The following RALGAPA2 variants were observed in gnomAD, a reference collection of about 807,000 sequenced individuals.
The protein encoded by RALGAPA2 is Ral GTPase activating protein catalytic subunit alpha 2.
In RALGAPA2, 139 loss-of-function variants were observed where a neutral mutation model predicts 230.4. That is an observed-to-expected ratio of 0.60 (90% confidence interval 0.53 to 0.69). The LOEUF is 0.69. Ranked by LOEUF, RALGAPA2 falls within the 30% of genes least tolerant of loss-of-function variation. The pLI, the probability that RALGAPA2 is intolerant of heterozygous loss-of-function variation, is 0.00. For synonymous variants in RALGAPA2, 847 were observed against 837.8 expected, an observed-to-expected ratio of 1.01 and a Z score of -0.19; for missense variants, 2,163 against 2,276.0, an observed-to-expected ratio of 0.95 and a Z score of 1.01.
At chr20:20,651,909 T>A (rs1364650714) in intron 4 of RALGAPA2, among the ~76,000 whole-genome samples, 3 of 152,216 alleles carry the variant, frequency 2.0e-5, no homozygotes, top group African/African-American at 7.2e-5. Flanking sequence ...ATGATGTCTC[T>A]TTGGATTATA....
intron 38 of RALGAPA2, among the ~76,000 whole-genome samples, chr20:20,409,358 C>G (rs568923007): frequency 2.6e-4 from 39 of 152,318 alleles, no homozygotes; most frequent in African/African-American, 9.4e-4. Context: ...GTGATGCTCC[C>G]TCTTCATTAA....
intron 23 of RALGAPA2, among the ~76,000 whole-genome samples, chr20:20,549,057 T>A (rs1448975886): frequency 6.6e-6 from 1 of 152,188 alleles, no homozygotes; most frequent in Non-Finnish European, 1.5e-5. Context: ...TTGAAGCTTG[T>A]GGGCTTTAAA....
At chr20:20,512,269 A>AC (rs1569454681) in intron 32 of RALGAPA2, among the ~76,000 whole-genome samples, 21 of 151,802 alleles carry the variant, frequency 1.4e-4, no homozygotes, top group Admixed American at 7.9e-4. Flanking sequence ...ACACACACAC[A>AC]AATGTTTGAT....
chr20:20,666,039 A>T (rs1218997589), intron 3 of RALGAPA2, among the ~76,000 whole-genome samples: 1 of 152,250 alleles, frequency 6.6e-6, no homozygotes, highest in Non-Finnish European at 1.5e-5. Flanking sequence ...CAACATCAAT[A>T]AAAGCCACAA....
chr20:20,491,754 A>C (rs2062064623), intron 36 of RALGAPA2, among the ~76,000 whole-genome samples: 1 of 152,182 alleles, frequency 6.6e-6, no homozygotes, highest in Admixed American at 6.5e-5. Context: ...CCAAAGAATG[A>C]TTGTGTCAAT....
intron 37 of RALGAPA2, among the ~76,000 whole-genome samples, chr20:20,431,801 T>G (rs1175919527): frequency 6.6e-6 from 1 of 152,180 alleles, no homozygotes; most frequent in Non-Finnish European, 1.5e-5. Context: ...CTGTACCCCA[T>G]AAATATATGC....
chr20:20,646,570 T>G lies in RALGAPA2; in HGVS notation c.329-3021A>C, dbSNP rs911856150. On this transcript the variant is annotated intron_variant, in intron 4 of 39. Coordinates refer to ENST00000202677, the MANE Select transcript of RALGAPA2 (RefSeq NM_020343.4). Reference sequence around the variant, plus strand: ...TTGGGCTGATTCTATGAATTTCTAATTTCTATTGGCTAACTTTTACTACAT... The same window carrying G: ...TTGGGCTGATTCTATGAATTTCTAAGTTCTATTGGCTAACTTTTACTACAT... 2.0e-5 allele frequency among the ~76,000 whole-genome samples: 3 copies of G among 152,222 alleles called. No individual in the cohort carries two copies. The East Asian group carries it at 5.8e-4, about 29-fold the overall frequency.
chr20:20,530,278 C>T (rs2063332991), intron 27 of RALGAPA2, among the ~76,000 whole-genome samples: 1 of 152,202 alleles, frequency 6.6e-6, no homozygotes, highest in South Asian at 2.1e-4. Flanking sequence ...CTACAAAGGT[C>T]AGGGCTCAGC....
intron 35 of RALGAPA2, 82 bp downstream of exon 35, chr20:20,503,269 C>T (rs1476940800): frequency 8.0e-7 from 1 of 1,255,164 alleles, no homozygotes; most frequent in East Asian, 2.8e-5. Context: ...AGTGTGCGTT[C>T]TACCCTTGTA....
intron 37 of RALGAPA2, among the ~76,000 whole-genome samples, chr20:20,453,898 A>G (rs891719049): frequency 7.2e-5 from 11 of 152,216 alleles, no homozygotes; most frequent in Non-Finnish European, 1.3e-4. Flanking sequence ...TATGAATGAG[A>G]TTATCAGATT....
At chr20:20,430,270 C>A (rs951091745) in intron 37 of RALGAPA2, among the ~76,000 whole-genome samples, 2 of 152,248 alleles carry the variant, frequency 1.3e-5, no homozygotes, top group African/African-American at 4.8e-5. Flanking sequence ...AGAGCCCTGG[C>A]ATTCCAGAGT....
At chr20:20,504,587 G>A (rs1161260337) in intron 34 of RALGAPA2, among the ~76,000 whole-genome samples, 1 of 152,140 alleles carries the variant, frequency 6.6e-6, no homozygotes, top group African/African-American at 2.4e-5. Context: ...TCAGCTGGGT[G>A]TGGCGGCGCG....
chr20:20,708,898 C>G (rs2069721419), intron 1 of RALGAPA2, among the ~76,000 whole-genome samples: 1 of 152,150 alleles, frequency 6.6e-6, no homozygotes, highest in Admixed American at 6.5e-5. Flanking sequence ...TAATTAGAAT[C>G]TGGCCAGGCA....
intron 27 of RALGAPA2, among the ~76,000 whole-genome samples, chr20:20,531,138 C>T (rs2063356272): frequency 6.6e-6 from 1 of 152,210 alleles, no homozygotes; most frequent in Non-Finnish European, 1.5e-5. Flanking sequence ...TGGTATAAAA[C>T]AGAAATTGCA....
chr20:20,449,654 T>C (rs981045409), intron 37 of RALGAPA2, among the ~76,000 whole-genome samples: 8 of 152,344 alleles, frequency 5.3e-5, no homozygotes, highest in African/African-American at 1.7e-4. Flanking sequence ...ACTTTTTTTT[T>C]TCCCCCGGAC....
At position 20,712,239 on chromosome 20, in the gene RALGAPA2, A is replaced by C. The variant is rs1040990400; in HGVS notation, c.106+136T>G. 1.7e-4 allele frequency: 144 copies of C among 860,930 alleles called. No individual in the cohort carries two copies. The highest frequency in any genetic ancestry group is 2.2e-4 in the Non-Finnish European group (132 of 587,328). 53.3% of individuals were successfully genotyped at this position (860,930 alleles called of 1,614,324 possible). On this transcript the variant is annotated intron_variant, in intron 1 of 39. Coordinates refer to ENST00000202677, the MANE Select transcript of RALGAPA2 (RefSeq NM_020343.4). This position sits in a 1 kb window ranked among gnomAD's most constrained non-coding sequence, Gnocchi z 5.5. ...CAAAGCCCCGGGGGTCCAAGCCCAGATCCAGGGAAGGGGGTCGGACGCCCA... is the reference window on the plus strand; with the variant it reads ...CAAAGCCCCGGGGGTCCAAGCCCAGCTCCAGGGAAGGGGGTCGGACGCCCA...
chr20:20,478,985 T>C (rs1183466085), intron 36 of RALGAPA2, among the ~76,000 whole-genome samples: 1 of 152,012 alleles, frequency 6.6e-6, no homozygotes, highest in Non-Finnish European at 1.5e-5. Flanking sequence ...AATCCAACTA[T>C]AGATACTTAG....
intron 38 of RALGAPA2, among the ~76,000 whole-genome samples, chr20:20,405,996 A>C (rs1014853141): frequency 1.3e-5 from 2 of 152,124 alleles, no homozygotes; most frequent in Non-Finnish European, 2.9e-5. Flanking sequence ...TTTACAGTCC[A>C]TTATGGAGAG....
Position 20,620,553 on chromosome 20 carries a change from G to C in RALGAPA2, c.1311C>G (p.Asp437Glu). 1 of 1,613,808 alleles carries C rather than the reference G, an allele frequency of 6.2e-7. No individual in the cohort carries two copies. Among genetic ancestry groups the C allele is most frequent in the Non-Finnish European group, 8.5e-7 (1 of 1,179,778 alleles). ...VQVYRKWILQDKPVFMEEPDR... is the reference protein window; with the variant it reads ...VQVYRKWILQEKPVFMEEPDR... ...CTGGCTCCTCCATGAACACAGGTTT[G>C]TCCTGGAGAATCCACTTTCTGTACA... is the stretch of plus-strand genomic sequence containing the variant. Residue 437 changes from aspartate (D) to glutamate (E), a missense_variant, in exon 11 of 40, where the codon GAC (aspartate) becomes GAG (glutamate). Coordinates refer to ENST00000202677, the MANE Select transcript of RALGAPA2 (RefSeq NM_020343.4).
Sources: gnomAD v4.1 joint callset for allele counts (sites outside exome capture counted in the v4.1 genomes callset) on GRCh38, gnomAD v4.1.1 for gene constraint, Gnocchi (gnomAD v3.1) non-coding constraint, MANE v1.5 for transcripts, NCBI Gene and HGNC (gene_info 2026-07-23, HGNC 2026-07-21) for gene names.